The following SGPP1 variants were observed in gnomAD, a reference collection of about 807,000 sequenced individuals.
The protein encoded by SGPP1 is hSPP1.
In SGPP1, 21 loss-of-function variants were observed where a neutral mutation model predicts 33.0. That is an observed-to-expected ratio of 0.64 (90% confidence interval 0.45 to 0.92). SGPP1 has a LOEUF of 0.92. Ranked by LOEUF, SGPP1 falls within the 40% of genes least tolerant of loss-of-function variation. The pLI is 0.00. For synonymous variants in SGPP1, 239 were observed against 241.2 expected, an observed-to-expected ratio of 0.99 and a Z score of 0.08; for missense variants, 543 against 589.4, an observed-to-expected ratio of 0.92 and a Z score of 0.81.
intron 1 of SGPP1, among the ~76,000 whole-genome samples, chr14:63,702,726 A>T (rs537684828): frequency 1.3e-5 from 2 of 152,220 alleles, no homozygotes; most frequent in South Asian, 2.1e-4. Context: ...AATTAAAAAG[A>T]AAACATTTTG....
At chr14:63,697,095 C>T (rs952401829) in intron 2 of SGPP1, among the ~76,000 whole-genome samples, 5 of 152,136 alleles carry the variant, frequency 3.3e-5, no homozygotes, top group African/African-American at 1.2e-4. Flanking sequence ...ATCTGGGTCA[C>T]AGGATCAATA....
chr14:63,702,875 T>C (rs1885328292), intron 1 of SGPP1, among the ~76,000 whole-genome samples: 1 of 152,136 alleles, frequency 6.6e-6, no homozygotes, highest in Non-Finnish European at 1.5e-5. Flanking sequence ...CAGATCTTAA[T>C]GGCTAAAGGA....
At chr14:63,726,880 T>C (rs1298127064) in intron 1 of SGPP1, among the ~76,000 whole-genome samples, 1 of 152,166 alleles carries the variant, frequency 6.6e-6, no homozygotes, top group Non-Finnish European at 1.5e-5. Context: ...CACCATATAT[T>C]ACGGTGAAAC....
At chr14:63,690,567 A>G (rs1885073600) in intron 2 of SGPP1, among the ~76,000 whole-genome samples, 1 of 152,220 alleles carries the variant, frequency 6.6e-6, no homozygotes, top group African/African-American at 2.4e-5. Flanking sequence ...TCAACCTCAA[A>G]TATTTTTTGG....
In SGPP1 at chr14:63,727,783, T is replaced by G; in HGVS notation, c.162A>C (p.Arg54=). 6.7e-7 allele frequency: 1 copy of G among 1,502,460 alleles called. No homozygotes were observed. The highest frequency in any genetic ancestry group is 2.1e-5 in the Admixed American group (1 of 48,198). 93.1% of individuals were successfully genotyped at this position (1,502,460 alleles called of 1,614,324 possible). ...GCGCCCCTGGCTGCCGCCCTCGCAG[T>G]CGAGGGTCTCCGGCGAGAGGCGCCT... The part of the protein sequence containing the change: ...KAEAPLAGDP[R]LRGRQPGAPG... The change falls in exon 1 of 3, where the codon CGA becomes CGC. Residue 54 remains arginine, a synonymous_variant. Transcript: ENST00000247225.
intron 1 of SGPP1, among the ~76,000 whole-genome samples, chr14:63,708,023 A>G (rs1372126949): frequency 1.3e-5 from 2 of 152,118 alleles, no homozygotes; most frequent in Non-Finnish European, 2.9e-5. Context: ...TCTTTCCCAC[A>G]TTAGTAAATT....
intron 2 of SGPP1, among the ~76,000 whole-genome samples, chr14:63,694,644 G>T (rs1885153870): frequency 6.6e-6 from 1 of 152,054 alleles, no homozygotes. Context: ...TAACCATGTT[G>T]GCTATCATTT....
At chr14:63,694,008 A>G (rs572035424) in intron 2 of SGPP1, among the ~76,000 whole-genome samples, 3 of 152,368 alleles carry the variant, frequency 2.0e-5, no homozygotes, top group African/African-American at 7.2e-5. Context: ...GGCCAGGCAC[A>G]GTGGCTCATG....
chr14:63,714,973 T>C (rs1250349005), intron 1 of SGPP1, among the ~76,000 whole-genome samples: 2 of 151,440 alleles, frequency 1.3e-5, no homozygotes, highest in Admixed American at 6.6e-5. Flanking sequence ...TCCTCCTGCC[T>C]CAGCCTCCTA....
Position 63,727,904 on chromosome 14 carries a change from A to G in SGPP1, c.41T>C (p.Leu14Pro), listed in dbSNP as rs1417078290. ...ACGGGCCACTTTCTGCGGGTCCTGCAGACGGCCAACCAGCTGGGCCAGGCG... is the reference window on the plus strand; with the variant it reads ...ACGGGCCACTTTCTGCGGGTCCTGCGGACGGCCAACCAGCTGGGCCAGGCG... Reference protein sequence around the residue: ...RQRLAQLVGRLQDPQKVARFQ... With the variant: ...RQRLAQLVGRPQDPQKVARFQ... The change falls in exon 1 of 3, where the codon CTG becomes CCG. Residue 14 changes from leucine to proline, a missense_variant. By Grantham distance (98) the Leu-to-Pro change is moderately conservative. Coordinates refer to ENST00000247225, the MANE Select transcript of SGPP1 (RefSeq NM_030791.4). 1 of 1,541,138 alleles carries G rather than the reference A, an allele frequency of 6.5e-7. No homozygotes were observed. Among genetic ancestry groups the G allele is most frequent in the Non-Finnish European group, 8.7e-7 (1 of 1,152,084 alleles).
chr14:63,727,330 G>C lies in SGPP1; in HGVS notation c.615C>G (p.Pro205=), dbSNP rs755931339. Residue 205 remains proline, a synonymous_variant, in exon 1 of 3, where the codon CCC becomes CCG. Coordinates refer to ENST00000247225, the MANE Select transcript of SGPP1 (RefSeq NM_030791.4). Reference sequence around the variant, plus strand: ...CGGTGCCGGACATGGCATGGGTGGAGGGCATGCTGTACTCAGAGTTGTAGA... The same window carrying C: ...CGGTGCCGGACATGGCATGGGTGGACGGCATGCTGTACTCAGAGTTGTAGA... ...EVFYNSEYSM[P]STHAMSGTAI... is the part of the protein sequence containing the mutation. 2 of 1,614,138 alleles carry C rather than the reference G, an allele frequency of 1.2e-6. No homozygotes were observed. The highest frequency in any genetic ancestry group is 1.1e-5 in the South Asian group (1 of 91,076).
At chr14:63,709,908 C>T (rs1048738151) in intron 1 of SGPP1, among the ~76,000 whole-genome samples, 2 of 152,128 alleles carry the variant, frequency 1.3e-5, no homozygotes, top group African/African-American at 2.4e-5. Context: ...CACTATTATA[C>T]ATAATAAGAA....
intron 1 of SGPP1, among the ~76,000 whole-genome samples, chr14:63,715,932 T>C (rs1318678015): frequency 1.3e-5 from 2 of 152,180 alleles, no homozygotes; most frequent in African/African-American, 4.8e-5. Flanking sequence ...GTTAGAAGGT[T>C]ATCATGTAAG....
In SGPP1 at chr14:63,708,200, C is replaced by G. The variant is rs146016501; in HGVS notation, c.685-9542G>C. 4.2e-3 allele frequency among the ~76,000 whole-genome samples: 633 copies of G among 151,368 alleles called. 7 individuals carry two copies. Among genetic ancestry groups the G allele is most frequent in the African/African-American group, 0.014 (580 of 41,188 alleles). ...CTCTCCACTTCTTTTCTATTCCTACCTAACCCAATCTTTCTTTTTTTCTTG... is the reference window on the plus strand; with the variant it reads ...CTCTCCACTTCTTTTCTATTCCTACGTAACCCAATCTTTCTTTTTTTCTTG... On this transcript the variant is annotated intron_variant, in intron 1 of 2. Transcript: ENST00000247225.
intron 1 of SGPP1, among the ~76,000 whole-genome samples, chr14:63,716,867 ATT>A (rs1885640230): frequency 6.6e-6 from 1 of 151,856 alleles, no homozygotes; most frequent in Non-Finnish European, 1.5e-5. Context: ...TAATTTTTGT[ATT>A]TTTAGTAGAG....
intron 2 of SGPP1, among the ~76,000 whole-genome samples, chr14:63,695,734 G>C (rs1336048171): frequency 1.3e-5 from 2 of 152,054 alleles, no homozygotes; most frequent in Admixed American, 6.6e-5. Context: ...AGCATAGCTA[G>C]ACCCTATCTC....
Position 63,698,620 on chromosome 14 carries a change from C to T in SGPP1, c.723G>A (p.Trp241Ter). ...LIYGLILIPC[W>*]CSLVCLSRIY... is the part of the protein sequence containing the mutation. ...TTCTACTTAGGCAAACTAGAGAACACCAGCAGGGAATAAGAATCAGTCCAT... is the reference window on the plus strand; with the variant it reads ...TTCTACTTAGGCAAACTAGAGAACATCAGCAGGGAATAAGAATCAGTCCAT... Residue 241 changes from tryptophan to a stop codon, truncating the protein, a stop_gained, in exon 2 of 3, where the codon TGG (tryptophan) becomes TGA (stop). Transcript: ENST00000247225. LOFTEE classifies it high-confidence loss of function. The T allele has an allele frequency of 6.2e-7, 1 of 1,604,088 alleles. No homozygotes were observed. The highest frequency in any genetic ancestry group is 8.5e-7 in the Non-Finnish European group (1 of 1,174,402).
At chr14:63,722,963 C>A (rs1275274181) in intron 1 of SGPP1, among the ~76,000 whole-genome samples, 3 of 147,708 alleles carry the variant, frequency 2.0e-5, no homozygotes, top group African/African-American at 7.5e-5. Context: ...CAGAGTAAGA[C>A]CCTGTCTCAA....
intron 1 of SGPP1, among the ~76,000 whole-genome samples, chr14:63,711,462 G>A (rs1318269308): frequency 1.3e-5 from 2 of 152,208 alleles, no homozygotes; most frequent in Non-Finnish European, 2.9e-5. Context: ...TCATGCAGTT[G>A]TAGGGGCTGG....
Sources: gnomAD v4.1 joint callset for allele counts (sites outside exome capture counted in the v4.1 genomes callset) on GRCh38, gnomAD v4.1.1 for gene constraint, MANE v1.5 for transcripts, NCBI Gene and HGNC (gene_info 2026-07-23, HGNC 2026-07-21) for gene names.